The following ANKS1B variants were observed in gnomAD, a reference collection of about 807,000 sequenced individuals.
ANKS1B encodes the protein ankyrin repeat and sterile alpha motif domain containing 1B, also known as ankyrin repeat and sterile alpha motif domain-containing protein 1B.
ANKS1B carries 36 observed loss-of-function variants against 148.3 expected under a neutral mutation model. The observed-to-expected ratio is 0.24, with a 90% CI of 0.19 to 0.32. The LOEUF is 0.32. ANKS1B is among the 10% of genes least tolerant of loss of function. The pLI is 1.00. For synonymous variants in ANKS1B, 542 were observed against 560.8 expected, an observed-to-expected ratio of 0.97 and a Z score of 0.47; for missense variants, 1,157 against 1,542.6, an observed-to-expected ratio of 0.75 and a Z score of 4.19.
intron 14 of ANKS1B, among the ~76,000 whole-genome samples, chr12:99,226,085 T>C (rs2085891803): frequency 6.6e-6 from 1 of 152,196 alleles, no homozygotes; most frequent in South Asian, 2.1e-4. Flanking sequence ...AAATCTGTTT[T>C]GAAGATAGGC....
chr12:99,272,819 G>C (rs2077195411), intron 12 of ANKS1B, among the ~76,000 whole-genome samples: 1 of 152,106 alleles, frequency 6.6e-6, no homozygotes, highest in Non-Finnish European at 1.5e-5. Context: ...TTGAAGATAT[G>C]CTTTTATTTT....
intron 17 of ANKS1B, among the ~76,000 whole-genome samples, chr12:98,940,955 CT>C (rs986720841): frequency 7.2e-5 from 11 of 151,942 alleles, no homozygotes; most frequent in Non-Finnish European, 1.6e-4. Flanking sequence ...ATTCCTTTTT[CT>C]TTTTTTGACA....
At chr12:99,946,826 A>C (rs2095075199) in intron 1 of ANKS1B, among the ~76,000 whole-genome samples, 1 of 152,120 alleles carries the variant, frequency 6.6e-6, no homozygotes, top group Admixed American at 6.5e-5. Flanking sequence ...ACCATTCCAC[A>C]AAGGAGGACA....
chr12:99,599,943 A>G (rs2097787942), intron 9 of ANKS1B, among the ~76,000 whole-genome samples: 1 of 152,082 alleles, frequency 6.6e-6, no homozygotes, highest in Non-Finnish European at 1.5e-5. Context: ...TGAAAGTATC[A>G]AATAAGTCAG....
chr12:99,167,680 A>G (rs1410565609), intron 14 of ANKS1B, among the ~76,000 whole-genome samples: 2 of 152,200 alleles, frequency 1.3e-5, no homozygotes, highest in Non-Finnish European at 2.9e-5. Flanking sequence ...TAGATGACCC[A>G]GCCATTTTAC....
chr12:99,933,435 T>C lies in ANKS1B; in HGVS notation c.134+50669A>G, dbSNP rs11110137. On this transcript the variant is annotated intron_variant, in intron 1 of 26. Coordinates refer to ENST00000683438, the MANE Select transcript of ANKS1B (RefSeq NM_001352186.2). The stretch of plus-strand genomic sequence containing the variant: ...ATTTTTCCATGTCCTCTTCAATTTC[T>C]TGCATCAGTGTTGTATAGTTTTCAC... 2.2e-3 allele frequency among the ~76,000 whole-genome samples: 331 copies of C among 152,276 alleles called. 1 individual carries two copies. The highest frequency in any genetic ancestry group is 7.7e-3 in the African/African-American group (319 of 41,554).
At chr12:98,794,410 A>G (rs1236301294) in intron 22 of ANKS1B, 1 of 225,744 alleles carries the variant, frequency 4.4e-6, no homozygotes, top group African/African-American at 2.4e-5. Flanking sequence ...AAAAAAAAAA[A>G]AAAAAAAAAA....
intron 17 of ANKS1B, among the ~76,000 whole-genome samples, chr12:98,947,779 C>T (rs896481238): frequency 6.6e-6 from 1 of 152,070 alleles, no homozygotes; most frequent in African/African-American, 2.4e-5. Flanking sequence ...GCCCTTTATC[C>T]TTGTTGTGAT....
At chr12:99,263,257 C>A (rs1038815236) in intron 12 of ANKS1B, among the ~76,000 whole-genome samples, 1 of 152,040 alleles carries the variant, frequency 6.6e-6, no homozygotes, top group African/African-American at 2.4e-5. Context: ...GACTTGTTAT[C>A]TCTGTTCCCC....
intron 9 of ANKS1B, among the ~76,000 whole-genome samples, chr12:99,603,618 C>T (rs2097824754): frequency 6.6e-6 from 1 of 151,770 alleles, no homozygotes; most frequent in Non-Finnish European, 1.5e-5. Context: ...AATAATATTG[C>T]CATAAAATAA....
chr12:99,368,369 A>C (rs138454637), intron 12 of ANKS1B, among the ~76,000 whole-genome samples: 1,658 of 152,222 alleles, frequency 0.011, 31 homozygotes, highest in African/African-American at 0.036. Flanking sequence ...GTACCCCATG[A>C]ATCTAATATA....
At chr12:99,478,643 G>A in intron 10 of ANKS1B, among the ~76,000 whole-genome samples, 1 of 152,096 alleles carries the variant, frequency 6.6e-6, no homozygotes, top group East Asian at 1.9e-4. Flanking sequence ...GATTTGAAAT[G>A]TACAGAACTA....
chr12:99,653,070 G>A (rs1018728685), intron 9 of ANKS1B, among the ~76,000 whole-genome samples: 9 of 152,128 alleles, frequency 5.9e-5, no homozygotes, highest in Admixed American at 2.0e-4. Flanking sequence ...TAGAACATCT[G>A]AGGAATTAAT....
chr12:99,475,922 T>C (rs1399602942), intron 10 of ANKS1B, among the ~76,000 whole-genome samples: 1 of 152,068 alleles, frequency 6.6e-6, no homozygotes, highest in African/African-American at 2.4e-5. Flanking sequence ...AAACCCCTAT[T>C]GTAACACAGT....
At chr12:99,368,609 T>C (rs1566969156) in intron 12 of ANKS1B, among the ~76,000 whole-genome samples, 1 of 152,060 alleles carries the variant, frequency 6.6e-6, no homozygotes, top group East Asian at 1.9e-4. Context: ...GCATTATAGA[T>C]GTATAAAATA....
intron 1 of ANKS1B, among the ~76,000 whole-genome samples, chr12:99,941,317 A>T (rs2094912531): frequency 6.6e-6 from 1 of 152,108 alleles, no homozygotes; most frequent in Non-Finnish European, 1.5e-5. Context: ...ACATAACTAG[A>T]TCTGTGCTTT....
chr12:99,952,442 T>A (rs1173285523), intron 1 of ANKS1B, among the ~76,000 whole-genome samples: 2 of 152,230 alleles, frequency 1.3e-5, no homozygotes, highest in Non-Finnish European at 2.9e-5. Context: ...ACTTTCTTGT[T>A]ATCTAATTTT....
intron 17 of ANKS1B, among the ~76,000 whole-genome samples, chr12:98,998,969 A>G (rs2099931302): frequency 6.6e-6 from 1 of 152,230 alleles, no homozygotes; most frequent in African/African-American, 2.4e-5. Context: ...GCCTTAAAGT[A>G]AAATCAGTGG....
intron 1 of ANKS1B, among the ~76,000 whole-genome samples, chr12:99,911,719 T>C (rs917174461): frequency 6.6e-6 from 1 of 152,166 alleles, no homozygotes; most frequent in African/African-American, 2.4e-5. Context: ...ATCATACACC[T>C]TTAAAAATCG....
Sources: gnomAD v4.1 joint callset for allele counts (sites outside exome capture counted in the v4.1 genomes callset) on GRCh38, gnomAD v4.1.1 for gene constraint, MANE v1.5 for transcripts, NCBI Gene and HGNC (gene_info 2026-07-23, HGNC 2026-07-21) for gene names.